VANGL1: variants seen among roughly 807,000 people sequenced by gnomAD.
VANGL1 encodes VANGL planar cell polarity protein 1, also known as vang-like protein 1.
In VANGL1, 18 loss-of-function variants were observed where a neutral mutation model predicts 48.4. That is an observed-to-expected ratio of 0.37 (90% CI 0.26 to 0.55). The LOEUF is 0.55. Ranked by LOEUF, VANGL1 falls within the 20% of genes least tolerant of loss-of-function variation. The probability of loss-of-function intolerance (pLI) is 0.81; values close to 1 mark genes in which losing one functional copy is unlikely to be tolerated. For synonymous variants in VANGL1, 257 were observed against 261.8 expected, an observed-to-expected ratio of 0.98 and a Z score of 0.18; for missense variants, 667 against 675.8, an observed-to-expected ratio of 0.99 and a Z score of 0.14.
chr1:115,645,075 T>C (rs759497005), intron 1 of VANGL1, among the ~76,000 whole-genome samples: 2 of 152,206 alleles, frequency 1.3e-5, no homozygotes. Flanking sequence ...TTTATAGATT[T>C]GCCCTGCATC....
At position 115,683,957 on chromosome 1, in the gene VANGL1, T is replaced by C. The variant is rs143754434; in HGVS notation, c.960T>C (p.Asn320=). The change falls in exon 6 of 8, where the codon AAT becomes AAC. Residue 320 remains asparagine (N), a synonymous_variant. Coordinates refer to ENST00000355485, the MANE Select transcript of VANGL1 (RefSeq NM_138959.3). The part of the protein sequence containing the change: ...KVYNVDGPSN[N]ATGQSRAMIA... ...CTTTCCCCAAAGGCCCCAGTAACAA[T>C]GCCACTGGCCAGTCCCGGGCCATGA... 1.9e-6 allele frequency: 3 copies of C among 1,613,432 alleles called. No homozygotes were observed. The highest frequency in any genetic ancestry group is 2.7e-5 in the African/African-American group (2 of 74,844).
chr1:115,654,886 G>A (rs1249059819), intron 2 of VANGL1, among the ~76,000 whole-genome samples: 3 of 152,286 alleles, frequency 2.0e-5, no homozygotes, highest in East Asian at 1.9e-4. Context: ...TGATGAAATC[G>A]AGGCACAGAG....
intron 2 of VANGL1, among the ~76,000 whole-genome samples, chr1:115,652,283 G>A (rs1406844779): frequency 1.3e-5 from 2 of 152,192 alleles, no homozygotes; most frequent in African/African-American, 4.8e-5. Flanking sequence ...ATTAGCAGGT[G>A]TGCACTGGTA....
In VANGL1 at chr1:115,659,831, A is replaced by G. The variant is rs1031678343; in HGVS notation, c.204+58A>G. 7 of 1,610,640 alleles carry G rather than the reference A, an allele frequency of 4.3e-6. No homozygotes were observed. In the African/African-American group the frequency reaches 9.4e-5, roughly 22 times the overall value. ...CCACTTGGCCAAGACTCCTGTCTGT[A>G]AATGTTTTCCTTAGGTTCTCTTGGA... On this transcript the variant is annotated intron_variant, in intron 3 of 7. Coordinates refer to ENST00000355485, the MANE Select transcript of VANGL1 (RefSeq NM_138959.3).
rs768501546 is a variant in VANGL1 at position 115,679,984 on chromosome 1, AGTGTGTGTGTGT to A, written c.813-2353_813-2342del. On this transcript the variant is annotated intron_variant, in intron 4 of 7. Transcript: ENST00000355485. Reference sequence around the variant, plus strand: ...GAGCTGAGCTAGGCACACACCAGGGAGTGTGTGTGTGTGTGTGTGTGTGTGTGTGTGTGTGTG... The same window carrying A: ...GAGCTGAGCTAGGCACACACCAGGGAGTGTGTGTGTGTGTGTGTGTGTGTG... Among the ~76,000 whole-genome samples the A allele has an allele frequency of 7.9e-3, 1,082 of 137,494 alleles. 12 individuals are homozygous for A. The highest frequency in any genetic ancestry group is 0.027 in the African/African-American group (990 of 36,312). The allele number at this position is 137,494 out of a possible 152,430, so 90.2% of individuals were successfully genotyped here. A position where few individuals can be genotyped will look rare whatever the true frequency, so the allele number is the denominator to read the frequency against.
chr1:115,682,097 A>G (rs935674361), intron 4 of VANGL1, among the ~76,000 whole-genome samples: 4 of 152,364 alleles, frequency 2.6e-5, no homozygotes, highest in Middle Eastern at 3.4e-3. Context: ...ATGAGTTACA[A>G]CTTCTTCCTC....
chr1:115,684,157 G>C (rs1346885658), intron 6 of VANGL1, 81 bp downstream of exon 6: 2 of 1,146,156 alleles, frequency 1.7e-6, no homozygotes, highest in African/African-American at 3.5e-5. Context: ...TATTTATTTA[G>C]AGACAGAATC....
rs559307553 is a variant in VANGL1, at chr1:115,686,350, C to T, written c.1314+823C>T. Among the ~76,000 whole-genome samples, 75 of 123,918 alleles carry T rather than the reference C, an allele frequency of 6.1e-4. 1 individual carries two copies. Among genetic ancestry groups the T allele is most frequent in the South Asian group, 3.7e-3 (14 of 3,826 alleles). The allele number at this position is 123,918 out of a possible 152,430, so 81.3% of individuals were successfully genotyped here. A position where few individuals can be genotyped will look rare whatever the true frequency, so the allele number is the denominator to read the frequency against. On this transcript the variant is annotated intron_variant, in intron 7 of 7. Coordinates refer to ENST00000355485, the MANE Select transcript of VANGL1 (RefSeq NM_138959.3). ...TCGCACCACTGCACTCCAGCCTGGG[C>T]GACAGAGCGAGACTCCGTCCAAAAA...
At position 115,695,761 on chromosome 1, in the gene VANGL1, TG is replaced by T. The variant is rs1309817535; in HGVS notation, c.*4383del. Reference sequence around the variant, plus strand: ...ACGGAAGGTCAGAGAGGAAGGGGCTTGTCCAAGGTCTCATGTCTGGTTAACA... The same window carrying T: ...ACGGAAGGTCAGAGAGGAAGGGGCTTTCCAAGGTCTCATGTCTGGTTAACA... On this transcript the variant is annotated 3_prime_UTR_variant, in exon 8 of 8. Transcript: ENST00000355485. The T allele has an allele frequency of 2.0e-5, 3 of 152,156 alleles. No individual in the cohort carries two copies. Among genetic ancestry groups the T allele is most frequent in the Non-Finnish European group, 4.4e-5 (3 of 68,034 alleles). 9.4% of individuals were successfully genotyped at this position (152,156 alleles called of 1,614,324 possible). A position where few individuals can be genotyped will look rare whatever the true frequency, so the allele number is the denominator to read the frequency against.
In VANGL1 at chr1:115,659,776, A is replaced by T. The variant is rs201397405; in HGVS notation, c.204+3A>T. On this transcript the variant is annotated splice_donor_region_variant and intron_variant, in intron 3 of 7. Coordinates refer to ENST00000355485, the MANE Select transcript of VANGL1 (RefSeq NM_138959.3). ...CTACTCGGACAGAGGAAGTTCAGGT[A>T]AGGATCAAAGGTGGTCTGTAAGCAC... 12 of 1,614,152 alleles carry T rather than the reference A, an allele frequency of 7.4e-6. No homozygotes were observed. In the East Asian group the frequency reaches 1.8e-4, roughly 24 times the overall value.
chr1:115,682,569 C>T (rs1055061724), intron 5 of VANGL1, 72 bp downstream of exon 5: 38 of 1,609,772 alleles, frequency 2.4e-5, no homozygotes, highest in Admixed American at 2.2e-4. Context: ...ATTCATGGTA[C>T]GTTTGGTTCG....
intron 1 of VANGL1, chr1:115,642,675 T>A (rs12029798): frequency 0.12 from 17,783 of 151,996 alleles, 1,326 homozygotes; most frequent in South Asian, 0.33. Flanking sequence ...GGGGGGCGAG[T>A]CCGGTTGCGC....
chr1:115,690,561 T>A lies in VANGL1; in HGVS notation c.1315-558T>A, dbSNP rs575014710. ...TTTTGAGAGCTAACACTTTCATCCT[T>A]ACGGCAGCCCTGTGACTTAGGTAGT... On this transcript the variant is annotated intron_variant, in intron 7 of 7. Transcript: ENST00000355485. 2.0e-5 allele frequency among the ~76,000 whole-genome samples: 3 copies of A among 152,264 alleles called. No homozygotes were observed. The South Asian group carries it at 6.2e-4, about 31-fold the overall frequency.
At position 115,695,129 on chromosome 1, in the gene VANGL1, A is replaced by G. The variant is rs762072122; in HGVS notation, c.*3750A>G. The G allele has an allele frequency of 3.3e-5, 5 of 152,176 alleles. No individual in the cohort carries two copies. Among genetic ancestry groups the G allele is most frequent in the Non-Finnish European group, 7.4e-5 (5 of 68,026 alleles). 9.4% of individuals were successfully genotyped at this position (152,176 alleles called of 1,614,324 possible). A position where few individuals can be genotyped will look rare whatever the true frequency, so the allele number is the denominator to read the frequency against. On this transcript the variant is annotated 3_prime_UTR_variant, in exon 8 of 8. Transcript: ENST00000355485. ...CTCTTTCTTGCTTTAGGACTCTGAAAACAGCAAGAAACAAACAAACAAAGG... is the reference window on the plus strand; with the variant it reads ...CTCTTTCTTGCTTTAGGACTCTGAAGACAGCAAGAAACAAACAAACAAAGG...
At chr1:115,668,685 C>T (rs1652874198) in intron 4 of VANGL1, among the ~76,000 whole-genome samples, 1 of 152,218 alleles carries the variant, frequency 6.6e-6, no homozygotes, top group African/African-American at 2.4e-5. Flanking sequence ...ATTATACTCA[C>T]ATGGTGAGTC....
chr1:115,689,354 G>A lies in VANGL1; in HGVS notation c.1315-1765G>A, dbSNP rs563023518. 1.2e-4 allele frequency among the ~76,000 whole-genome samples: 16 copies of A among 136,516 alleles called. 5 individuals carry two copies. The highest frequency in any genetic ancestry group is 4.2e-4 in the East Asian group (2 of 4,798). The allele number at this position is 136,516 out of a possible 152,430, so 89.6% of individuals were successfully genotyped here. On this transcript the variant is annotated intron_variant, in intron 7 of 7. Transcript: ENST00000355485. ...TGTGAATAAAAGAGGATACCGGGCC[G>A]GGCGCGGTGGCTCACACCTGTAATC...
intron 7 of VANGL1, among the ~76,000 whole-genome samples, chr1:115,687,075 A>G (rs1249687522): frequency 7.2e-6 from 1 of 138,726 alleles, no homozygotes; most frequent in Non-Finnish European, 1.6e-5. Context: ...TTGTCAACCA[A>G]TAACTACCCT....
At chr1:115,647,435 C>T (rs1651981240) in intron 1 of VANGL1, among the ~76,000 whole-genome samples, 1 of 152,190 alleles carries the variant, frequency 6.6e-6, no homozygotes, top group African/African-American at 2.4e-5. Context: ...CAGTGGTAAG[C>T]TTCAGGATAT....
In VANGL1 at chr1:115,666,805, C is replaced by A. The variant is rs552521398; in HGVS notation, c.812+2537C>A. On this transcript the variant is annotated intron_variant, in intron 4 of 7. Coordinates refer to ENST00000355485, the MANE Select transcript of VANGL1 (RefSeq NM_138959.3). ...AGAATGGCTGGGGAAAGAGGGACAT[C>A]TTTACTGACAAATGGAGCCCTCAGG... Among the ~76,000 whole-genome samples, 8 of 152,276 alleles carry A rather than the reference C, an allele frequency of 5.3e-5. No homozygotes were observed. In the South Asian group the frequency reaches 1.7e-3, roughly 32 times the overall value.
Sources: gnomAD v4.1 joint callset for allele counts (sites outside exome capture counted in the v4.1 genomes callset) on GRCh38, gnomAD v4.1.1 for gene constraint, MANE v1.5 for transcripts, NCBI Gene and HGNC (gene_info 2026-07-23, HGNC 2026-07-21) for gene names.